Variants in GUCA1C observed in about 807,000 individuals in gnomAD.
GUCA1C encodes guanylyl cyclase-activating protein 3.
GUCA1C carries 15 observed loss-of-function variants against 16.2 expected under a neutral mutation model. The ratio of observed to expected loss-of-function variants is 0.93; its 90% CI spans 0.62 to 1.43. GUCA1C has a LOEUF of 1.43. Among genes scored for constraint, GUCA1C ranks in the 40% most tolerant of loss-of-function variants. The probability of loss-of-function intolerance (pLI) is 0.00; values close to 1 mark genes in which losing one functional copy is unlikely to be tolerated. For missense variants in GUCA1C, 275 were observed against 244.8 expected, an observed-to-expected ratio of 1.12 and a Z score of -0.82; for synonymous variants, 78 against 85.4, an observed-to-expected ratio of 0.91 and a Z score of 0.48.
intron 1 of GUCA1C, among the ~76,000 whole-genome samples, chr3:108,926,767 A>T (rs1576549130): frequency 6.7e-6 from 1 of 148,600 alleles, no homozygotes; most frequent in Admixed American, 6.7e-5. Context: ...GGCATGAGCC[A>T]CTATGCCCGG....
At chr3:108,944,041 CAAG>C (rs1475380784) in intron 1 of GUCA1C, among the ~76,000 whole-genome samples, 2 of 151,680 alleles carry the variant, frequency 1.3e-5, no homozygotes, top group Non-Finnish European at 2.9e-5. Context: ...GTGGACAAAA[CAAG>C]AAATCCAAAT....
intron 3 of GUCA1C, among the ~76,000 whole-genome samples, chr3:108,911,338 C>A (rs1391711686): frequency 6.6e-6 from 1 of 152,148 alleles, no homozygotes; most frequent in Non-Finnish European, 1.5e-5. Flanking sequence ...CCTACATTAG[C>A]ATTTCTGGTC....
chr3:108,940,529 T>G (rs927592472), intron 1 of GUCA1C, among the ~76,000 whole-genome samples: 2 of 152,228 alleles, frequency 1.3e-5, no homozygotes, highest in Non-Finnish European at 2.9e-5. Context: ...TGATTCTCAT[T>G]TAATGAATTT....
At chr3:108,921,738 G>A (rs1946570811) in intron 1 of GUCA1C, among the ~76,000 whole-genome samples, 2 of 151,844 alleles carry the variant, frequency 1.3e-5, no homozygotes, top group Middle Eastern at 3.2e-3. Flanking sequence ...TTTCTTCTTT[G>A]GTGAAATATT....
chr3:108,912,429 A>G (rs114484511), intron 3 of GUCA1C, among the ~76,000 whole-genome samples: 2,171 of 152,022 alleles, frequency 0.014, 44 homozygotes, highest in African/African-American at 0.048. Flanking sequence ...ATAATATTGA[A>G]TGTTTAGCTT....
intron 2 of GUCA1C, among the ~76,000 whole-genome samples, chr3:108,917,586 C>G (rs1214563014): frequency 6.6e-6 from 1 of 151,902 alleles, no homozygotes; most frequent in African/African-American, 2.4e-5. Flanking sequence ...AGCAGGAGGA[C>G]GCAGGAGAGA....
At chr3:108,946,125 A>G (rs1456456072) in intron 1 of GUCA1C, among the ~76,000 whole-genome samples, 2 of 152,106 alleles carry the variant, frequency 1.3e-5, no homozygotes, top group Non-Finnish European at 2.9e-5. Flanking sequence ...GTTTCATTTT[A>G]ATGATTGTGG....
chr3:108,922,200 C>T (rs1420389372), intron 1 of GUCA1C, among the ~76,000 whole-genome samples: 1 of 48,324 alleles, frequency 2.1e-5, no homozygotes, highest in East Asian at 2.7e-4. Context: ...CACACACACA[C>T]ACATATATAT....
At chr3:108,954,383 T>G (rs1008197740), upstream of GUCA1C, among the ~76,000 whole-genome samples, 1 of 152,158 alleles carries the variant, frequency 6.6e-6, no homozygotes, top group South Asian at 2.1e-4. Context: ...GAACTTCAGA[T>G]GTAGTAGTCA....
intron 3 of GUCA1C, among the ~76,000 whole-genome samples, chr3:108,911,962 CG>C (rs1946459030): frequency 6.6e-6 from 1 of 151,616 alleles, no homozygotes; most frequent in Non-Finnish European, 1.5e-5. Context: ...AAAAATTAGC[CG>C]GGCGTAGTGG....
At chr3:108,909,000 A>C (rs572637401) in intron 3 of GUCA1C, among the ~76,000 whole-genome samples, 1 of 152,350 alleles carries the variant, frequency 6.6e-6, no homozygotes, top group Admixed American at 6.5e-5. Flanking sequence ...GGATGGATAG[A>C]TCAGCCAAAG....
rs150477981 is a variant in GUCA1C, at chr3:108,916,183, A to G, written c.386T>C (p.Leu129Pro). The change falls in exon 3 of 4, where the codon CTG (leucine) becomes CCG (proline). Residue 129 changes from leucine to proline, a missense_variant. By Grantham distance (98) the Leu-to-Pro change is moderately conservative. Transcript: ENST00000261047. ...AVQALNGQQT[L>P]SPEEFINLVF... ...CAAGTTGATGAATTCTTCAGGACTC[A>G]GAGTTTGCTGGCCATTGAGGGCTTG... The G allele has an allele frequency of 6.8e-6, 11 of 1,613,710 alleles. No individual in the cohort carries two copies. In the African/African-American group the frequency reaches 1.5e-4, roughly 22 times the overall value.
upstream of GUCA1C, among the ~76,000 whole-genome samples, chr3:108,955,068 T>C (rs1946935020): frequency 1.3e-5 from 2 of 152,082 alleles, no homozygotes; most frequent in Admixed American, 1.3e-4. Context: ...AATTCTTTCT[T>C]TTATTTTCAT....
intron 1 of GUCA1C, 71 bp downstream of exon 1, chr3:108,953,488 G>GGA (rs1559850656): frequency 8.7e-5 from 76 of 873,876 alleles, no homozygotes; most frequent in East Asian, 2.4e-4. Flanking sequence ...TATTTTACAG[G>GGA]AAAAAAAAAA....
intron 1 of GUCA1C, among the ~76,000 whole-genome samples, chr3:108,946,024 C>T (rs948250287): frequency 2.0e-5 from 3 of 152,218 alleles, no homozygotes; most frequent in Admixed American, 6.5e-5. Context: ...ACCAGAGTTA[C>T]CTGCCCTTGA....
intron 1 of GUCA1C, among the ~76,000 whole-genome samples, chr3:108,921,545 A>G (rs893659538): frequency 9.2e-5 from 14 of 152,160 alleles, no homozygotes; most frequent in African/African-American, 3.4e-4. Context: ...ACCATTTTAC[A>G]TTTCTACCAG....
At chr3:108,915,559 T>A (rs893427340) in intron 3 of GUCA1C, among the ~76,000 whole-genome samples, 6 of 152,032 alleles carry the variant, frequency 3.9e-5, no homozygotes, top group African/African-American at 1.2e-4. Flanking sequence ...GGAACCCAGA[T>A]TACAGAGTAG....
At chr3:108,934,543 T>G (rs1946701923) in intron 1 of GUCA1C, among the ~76,000 whole-genome samples, 1 of 151,948 alleles carries the variant, frequency 6.6e-6, no homozygotes, top group African/African-American at 2.4e-5. Context: ...AACAAATCAT[T>G]CTACCAAAAA....
Position 108,920,500 on chromosome 3 carries a change from A to G in GUCA1C, c.290T>C (p.Phe97Ser). The change falls in exon 2 of 4, where the codon TTT (phenylalanine) becomes TCT (serine). Residue 97 changes from phenylalanine to serine, a missense_variant. Coordinates refer to ENST00000261047, the MANE Select transcript of GUCA1C (RefSeq NM_005459.4). ...EKMEQKLKWY[F>S]KLYDADGNGS... ...ATTTCCATCAGCATCATACAGCTTAAAATACCATTTTAATTTTTGCTCCAT... is the reference window on the plus strand; with the variant it reads ...ATTTCCATCAGCATCATACAGCTTAGAATACCATTTTAATTTTTGCTCCAT... The G allele has an allele frequency of 6.2e-7, 1 of 1,601,896 alleles. No homozygotes were observed. The highest frequency in any genetic ancestry group is 1.7e-5 in the Admixed American group (1 of 59,966).
Sources: gnomAD v4.1 joint callset for allele counts (sites outside exome capture counted in the v4.1 genomes callset) on GRCh38, gnomAD v4.1.1 for gene constraint, MANE v1.5 for transcripts, NCBI Gene and HGNC (gene_info 2026-07-23, HGNC 2026-07-21) for gene names.